RIMS2: variants seen among roughly 807,000 people sequenced by gnomAD.
The protein encoded by RIMS2 is regulating synaptic membrane exocytosis protein 2.
RIMS2 carries 59 observed loss-of-function variants against 174.4 expected under a neutral mutation model. That is an observed-to-expected ratio of 0.34 (90% CI 0.27 to 0.42). The LOEUF (loss-of-function observed/expected upper bound fraction) is 0.42. Among genes scored for constraint, RIMS2 ranks in the 10% least tolerant of loss-of-function variants. The pLI is 1.00. For synonymous variants in RIMS2, 606 were observed against 572.5 expected, an observed-to-expected ratio of 1.06 and a Z score of -0.84; for missense variants, 1,620 against 1,666.3, an observed-to-expected ratio of 0.97 and a Z score of 0.48.
At chr8:103,622,773 A>G (rs900466845) in intron 1 of RIMS2, among the ~76,000 whole-genome samples, 2 of 152,224 alleles carry the variant, frequency 1.3e-5, no homozygotes, top group African/African-American at 2.4e-5. Context: ...AGCCACAGGC[A>G]GTTGGCTAAA....
At chr8:103,808,908 C>G (rs1270560078) in intron 3 of RIMS2, among the ~76,000 whole-genome samples, 1 of 152,064 alleles carries the variant, frequency 6.6e-6, no homozygotes, top group Non-Finnish European at 1.5e-5. Flanking sequence ...GTTATATGTC[C>G]TCCTATGTGT....
At chr8:104,077,714 T>C (rs1403386302) in intron 19 of RIMS2, among the ~76,000 whole-genome samples, 4 of 142,334 alleles carry the variant, frequency 2.8e-5, no homozygotes, top group Non-Finnish European at 6.2e-5. Context: ...TATGAGTAAG[T>C]GTATGTGTAA....
chr8:104,046,858 G>A (rs948024007), intron 19 of RIMS2, among the ~76,000 whole-genome samples: 1 of 151,854 alleles, frequency 6.6e-6, no homozygotes, highest in Admixed American at 6.6e-5. Flanking sequence ...GTTCAATACT[G>A]GGCTAGATAC....
chr8:104,249,385 A>G (rs929491635), intron 21 of RIMS2, 102 bp from the exon 28 acceptor site: 1 of 576,966 alleles, frequency 1.7e-6, no homozygotes, highest in Non-Finnish European at 3.1e-6. Flanking sequence ...TTAAGAAAAT[A>G]TATGGGAAAT....
rs536825363 is a variant in RIMS2 at position 103,652,236 on chromosome 8, C to T, written c.177-44850C>T. On this transcript the variant is annotated intron_variant, in intron 1 of 23. Transcript: ENST00000504942. ...AGAAGAACACAAACCACAACTGACA[C>T]AGTAAGTAAATGTATTAAGAGTGTA... 6 of 1,347,642 alleles carry T rather than the reference C, an allele frequency of 4.5e-6. No homozygotes were observed. Among genetic ancestry groups the T allele is most frequent in the Middle Eastern group, 2.1e-4 (1 of 4,756 alleles). The allele number at this position is 1,347,642 out of a possible 1,614,324, so 83.5% of individuals were successfully genotyped here. A position where few individuals can be genotyped will look rare whatever the true frequency, so the allele number is the denominator to read the frequency against.
chr8:103,788,587 G>T (rs1020854411), intron 3 of RIMS2, among the ~76,000 whole-genome samples: 1 of 151,898 alleles, frequency 6.6e-6, no homozygotes, highest in East Asian at 1.9e-4. Flanking sequence ...CTGCTCGGGG[G>T]TCAGGGGTCA....
intron 12 of RIMS2, among the ~76,000 whole-genome samples, 153 bp from the exon 15 acceptor site, chr8:103,936,398 A>G (rs1165870295): frequency 6.6e-6 from 1 of 152,218 alleles, no homozygotes; most frequent in Non-Finnish European, 1.5e-5. Context: ...TAAAATTTTC[A>G]TAATAATTTT....
At chr8:103,580,455 G>T (rs1563865688) in intron 1 of RIMS2, among the ~76,000 whole-genome samples, 1 of 151,874 alleles carries the variant, frequency 6.6e-6, no homozygotes, top group Admixed American at 6.6e-5. Flanking sequence ...ATGTGTGTGT[G>T]TGTGTGTGTG....
chr8:103,948,101 G>A (rs965622252), intron 14 of RIMS2, among the ~76,000 whole-genome samples: 3 of 152,094 alleles, frequency 2.0e-5, no homozygotes, highest in South Asian at 2.1e-4. Flanking sequence ...GCCCAACATC[G>A]TTAGTTATTA....
At chr8:103,766,318 A>G in exon 3 of RIMS2, 2 of 1,613,346 alleles carry the variant, frequency 1.2e-6, no homozygotes, top group Non-Finnish European at 1.7e-6. Flanking sequence ...AATACACCAC[A>G]GCAACCTGAT....
At chr8:104,029,407 A>G (rs1050805249) in intron 19 of RIMS2, among the ~76,000 whole-genome samples, 3 of 152,156 alleles carry the variant, frequency 2.0e-5, no homozygotes, top group Non-Finnish European at 4.4e-5. Context: ...GCCTAAAGTT[A>G]TAGGCCTAGT....
At chr8:103,680,493 T>C (rs1209434684) in intron 1 of RIMS2, among the ~76,000 whole-genome samples, 1 of 152,044 alleles carries the variant, frequency 6.6e-6, no homozygotes, top group Non-Finnish European at 1.5e-5. Context: ...TGTTTTGTTT[T>C]GTTTTATATA....
chr8:103,948,466 T>G (rs28782537), intron 14 of RIMS2, among the ~76,000 whole-genome samples: 1,772 of 152,254 alleles, frequency 0.012, 34 homozygotes, highest in African/African-American at 0.039. Context: ...ATGTGGTATA[T>G]CCTCACAATT....
intron 19 of RIMS2, among the ~76,000 whole-genome samples, chr8:104,038,795 CA>C (rs1356108374): frequency 6.6e-6 from 1 of 151,478 alleles, no homozygotes; most frequent in Non-Finnish European, 1.5e-5. Flanking sequence ...ACAGGAAATC[CA>C]AAAAACCAAA....
intron 1 of RIMS2, 108 bp downstream of exon 2, chr8:103,652,345 T>A: frequency 1.7e-6 from 1 of 583,444 alleles, no homozygotes; most frequent in East Asian, 5.4e-5. Context: ...AGCTAGTGTG[T>A]CTTCTGCTTT....
intron 12 of RIMS2, among the ~76,000 whole-genome samples, chr8:103,935,550 G>T (rs1595451297): frequency 6.6e-6 from 1 of 152,118 alleles, no homozygotes; most frequent in African/African-American, 2.4e-5. Flanking sequence ...CAAAACTCTT[G>T]GAACTGTGTT....
intron 1 of RIMS2, among the ~76,000 whole-genome samples, chr8:103,624,379 A>T (rs896346141): frequency 6.6e-6 from 1 of 152,118 alleles, no homozygotes; most frequent in African/African-American, 2.4e-5. Flanking sequence ...TCGGACTGAG[A>T]TCTGTACCAT....
intron 1 of RIMS2, chr8:103,559,055 A>ATTTTTTTTTTTTTTTTTTTTTT (rs1397052354): frequency 5.0e-5 from 1 of 20,040 alleles, no homozygotes; most frequent in Non-Finnish European, 8.7e-5. Context: ...ATATTTTTTA[A>ATTTTTTTTTTTTTTTTTTTTTT]CTTTTTTTTT....
At chr8:103,657,934 G>A (rs77377053) in intron 1 of RIMS2, among the ~76,000 whole-genome samples, 1,745 of 152,278 alleles carry the variant, frequency 0.011, 42 homozygotes, top group African/African-American at 0.04. Flanking sequence ...CAGCTTGGCT[G>A]TATTTAAAAT....
Sources: gnomAD v4.1 joint callset for allele counts (sites outside exome capture counted in the v4.1 genomes callset) on GRCh38, gnomAD v4.1.1 for gene constraint, MANE v1.5 for transcripts, NCBI Gene and HGNC (gene_info 2026-07-23, HGNC 2026-07-21) for gene names.